EPS15: variants seen among roughly 807,000 people sequenced by gnomAD.
EPS15 encodes the protein epidermal growth factor receptor substrate 15.
Under a neutral mutation model 113.8 loss-of-function variants are expected in EPS15, and 72 were observed. The ratio of observed to expected loss-of-function variants is 0.63; its 90% CI spans 0.52 to 0.77. The LOEUF (loss-of-function observed/expected upper bound fraction) is 0.77. Among genes scored for constraint, EPS15 ranks in the 30% least tolerant of loss-of-function variants. The probability of loss-of-function intolerance (pLI) is 0.00; values close to 1 mark genes in which losing one functional copy is unlikely to be tolerated. For synonymous variants in EPS15, 344 were observed against 363.4 expected (o/e 0.95, Z 0.61); for missense variants, 1,048 against 1,045.8 (o/e 1.00, Z -0.03).
intron 1 of EPS15, among the ~76,000 whole-genome samples, chr1:51,504,847 G>A (rs1644470941): frequency 1.3e-5 from 2 of 152,120 alleles, no homozygotes; most frequent in South Asian, 2.1e-4. Context: ...GCAGCCGAGC[G>A]TGGTGGCTCA....
chr1:51,447,370 G>A (rs1227164405), intron 9 of EPS15, among the ~76,000 whole-genome samples: 2 of 152,062 alleles, frequency 1.3e-5, no homozygotes, highest in Non-Finnish European at 2.9e-5. Flanking sequence ...TTCAAACATA[G>A]TTAACTCTTG....
intron 24 of EPS15, among the ~76,000 whole-genome samples, chr1:51,360,688 A>G (rs1488430606): frequency 6.6e-6 from 1 of 152,152 alleles, no homozygotes; most frequent in Non-Finnish European, 1.5e-5. Flanking sequence ...CTTTCTATTC[A>G]AAGAATCTCT....
intron 12 of EPS15, among the ~76,000 whole-genome samples, chr1:51,434,063 A>T (rs1291666496): frequency 6.6e-6 from 1 of 152,212 alleles, no homozygotes; most frequent in Non-Finnish European, 1.5e-5. Flanking sequence ...TAAATACAAA[A>T]TAGTATCACA....
intron 19 of EPS15, 117 bp from the exon 20 acceptor site, chr1:51,399,282 G>T: frequency 1.1e-6 from 1 of 892,858 alleles, no homozygotes; most frequent in Non-Finnish European, 1.7e-6. Flanking sequence ...CAGGTGCAGT[G>T]GCTCACGTCT....
chr1:51,438,303 C>T (rs1252563444), intron 12 of EPS15, among the ~76,000 whole-genome samples: 1 of 152,098 alleles, frequency 6.6e-6, no homozygotes, highest in Non-Finnish European at 1.5e-5. Context: ...AAGATAGTCA[C>T]AAAATATTAG....
intron 1 of EPS15, among the ~76,000 whole-genome samples, chr1:51,487,066 T>A (rs1261267889): frequency 6.6e-6 from 1 of 152,224 alleles, no homozygotes. Flanking sequence ...ATATAAAGTA[T>A]GTTAGCAACT....
At position 51,440,382 on chromosome 1, in the gene EPS15, T is replaced by C. The variant is rs774673625; in HGVS notation, c.1005A>G (p.Leu335=). 1 of 1,593,074 alleles carries C rather than the reference T, an allele frequency of 6.3e-7. No individual in the cohort carries two copies. Among genetic ancestry groups the C allele is most frequent in the South Asian group, 1.1e-5 (1 of 89,478 alleles). The change falls in exon 12 of 25, where the codon CTA becomes CTG. Residue 335 remains leucine (L), a synonymous_variant. Coordinates refer to ENST00000371733, the MANE Select transcript of EPS15 (RefSeq NM_001981.3). ...PVADFSAIKE[L]DTLNNEIVDL... ...CAACTATTTCATTGTTAAGAGTATC[T>C]AGTTCCTTAATAGCAGAGAAATCTG...
At chr1:51,390,989 A>G (rs1053753598) in intron 21 of EPS15, among the ~76,000 whole-genome samples, 22 of 152,208 alleles carry the variant, frequency 1.4e-4, no homozygotes, top group Non-Finnish European at 2.8e-4. Flanking sequence ...ACTATAAATC[A>G]TGCTGCTATA....
In EPS15 at chr1:51,465,255, A is replaced by T; in HGVS notation, c.375+6T>A. 6.3e-7 allele frequency: 1 copy of T among 1,587,682 alleles called. No individual in the cohort carries two copies. The highest frequency in any genetic ancestry group is 8.6e-7 in the Non-Finnish European group (1 of 1,158,726). ...GGGTGAGAGAATAGTTACAAAGTTTACTTACTTTTACAGCCCATGGGAGCT... is the reference window on the plus strand; with the variant it reads ...GGGTGAGAGAATAGTTACAAAGTTTTCTTACTTTTACAGCCCATGGGAGCT... On this transcript the variant is annotated splice_donor_region_variant and intron_variant, in intron 6 of 24. Transcript: ENST00000371733.
intron 4 of EPS15, among the ~76,000 whole-genome samples, chr1:51,471,133 G>A (rs1377408538): frequency 6.6e-6 from 1 of 152,148 alleles, no homozygotes. Context: ...CAGCAAACTT[G>A]GAATTCAATC....
At position 51,463,784 on chromosome 1, in the gene EPS15, G is replaced by A; in HGVS notation, c.390C>T (p.Ala130=). The A allele has an allele frequency of 6.3e-7, 1 of 1,593,750 alleles. No individual in the cohort carries two copies. ...AACTATCAAATATTGCATCATATTT[G>A]GCCTTATCTTCAGGCTACAATAAAA... is the stretch of plus-strand genomic sequence containing the variant. ...LPWAVKPEDK[A]KYDAIFDSLS... The change falls in exon 7 of 25, where the codon GCC becomes GCT. Residue 130 remains alanine (A), a synonymous_variant. Coordinates refer to ENST00000371733, the MANE Select transcript of EPS15 (RefSeq NM_001981.3).
intron 1 of EPS15, among the ~76,000 whole-genome samples, chr1:51,483,542 A>T (rs1051820116): frequency 6.6e-6 from 1 of 151,644 alleles, no homozygotes. Flanking sequence ...GCACGGTGGC[A>T]TGTGCCTGTA....
intron 14 of EPS15, among the ~76,000 whole-genome samples, chr1:51,408,851 G>A (rs1263130164): frequency 3.3e-5 from 5 of 149,726 alleles, no homozygotes; most frequent in Non-Finnish European, 5.9e-5. Context: ...CCAGGCTGGA[G>A]TGCAGTGGCG....
At chr1:51,427,111 T>C (rs1032649415) in intron 12 of EPS15, among the ~76,000 whole-genome samples, 4 of 152,114 alleles carry the variant, frequency 2.6e-5, no homozygotes, top group African/African-American at 4.8e-5. Flanking sequence ...CACAACTGCA[T>C]ACAGGATTAC....
intron 1 of EPS15, among the ~76,000 whole-genome samples, chr1:51,482,522 C>T (rs991235912): frequency 3.9e-5 from 6 of 152,008 alleles, no homozygotes; most frequent in Non-Finnish European, 8.8e-5. Context: ...AGTACAGTGG[C>T]GTGGCACGAT....
chr1:51,408,661 C>A (rs1038386280), intron 14 of EPS15, among the ~76,000 whole-genome samples: 1 of 152,032 alleles, frequency 6.6e-6, no homozygotes, highest in African/African-American at 2.4e-5. Flanking sequence ...ACTCTGTCAC[C>A]CAGGCTGGAG....
intron 14 of EPS15, among the ~76,000 whole-genome samples, chr1:51,408,797 A>AT (rs34612487): frequency 0.26 from 28,207 of 109,554 alleles, 5,128 homozygotes; most frequent in African/African-American, 0.51. Flanking sequence ...CTGGCTTTCA[A>AT]TTTTTTTTTT....
chr1:51,507,680 C>G (rs1051082018), intron 1 of EPS15, among the ~76,000 whole-genome samples: 1 of 149,112 alleles, frequency 6.7e-6, no homozygotes, highest in Non-Finnish European at 1.5e-5. Context: ...AAAAGGAGAA[C>G]AGAATAAAAA....
chr1:51,463,847 T>A, intron 6 of EPS15, 49 bp from the exon 7 acceptor site: 1 of 1,178,686 alleles, frequency 8.5e-7, no homozygotes, highest in Non-Finnish European at 1.2e-6. Context: ...GAAAAGGATT[T>A]AACTGCAGTT....
Sources: gnomAD v4.1 joint callset for allele counts (sites outside exome capture counted in the v4.1 genomes callset) on GRCh38, gnomAD v4.1.1 for gene constraint, MANE v1.5 for transcripts, NCBI Gene and HGNC (gene_info 2026-07-23, HGNC 2026-07-21) for gene names.